PPFIBP2: variants seen among roughly 807,000 people sequenced by gnomAD.
PPFIBP2 encodes the protein PPFIB scaffold protein 2.
In PPFIBP2, 118 loss-of-function variants were observed where a neutral mutation model predicts 118.3. That is an observed-to-expected ratio of 1.00 (90% CI 0.86 to 1.16). PPFIBP2 has a LOEUF of 1.16. Ranked by LOEUF, PPFIBP2 falls within the 50% of genes most tolerant of loss-of-function variation. The probability of loss-of-function intolerance (pLI) is 0.00; values close to 1 mark genes in which losing one functional copy is unlikely to be tolerated. For synonymous variants in PPFIBP2, 414 were observed against 397.4 expected, an observed-to-expected ratio of 1.04 and a Z score of -0.50; for missense variants, 1,195 against 1,073.1, an observed-to-expected ratio of 1.11 and a Z score of -1.59.
At chr11:7,518,664 T>C (rs1849453935) in intron 1 of PPFIBP2, among the ~76,000 whole-genome samples, 1 of 152,146 alleles carries the variant, frequency 6.6e-6, no homozygotes, top group Admixed American at 6.5e-5. Context: ...TTCATAAGAC[T>C]GGGTAAGGTA....
chr11:7,610,698 G>C (rs1272972492), intron 6 of PPFIBP2, among the ~76,000 whole-genome samples: 3 of 152,204 alleles, frequency 2.0e-5, no homozygotes, highest in Non-Finnish European at 4.4e-5. Flanking sequence ...GGAAGAATAA[G>C]ACAAAATGTG....
intron 2 of PPFIBP2, among the ~76,000 whole-genome samples, chr11:7,550,533 T>C (rs6578872): frequency 0.39 from 59,752 of 152,100 alleles, 12,557 homozygotes; most frequent in African/African-American, 0.54. Context: ...TAATGTGATG[T>C]ATTCTAGCTA....
downstream of PPFIBP2, chr11:7,653,804 G>T: frequency 8.4e-7 from 1 of 1,194,920 alleles, no homozygotes; most frequent in Non-Finnish European, 1.1e-6. Flanking sequence ...AAAGAGCTGA[G>T]GGTAGCTGGA....
In PPFIBP2 at chr11:7,642,338, C is replaced by G. The variant is rs781020356; in HGVS notation, c.1558C>G (p.Leu520Val). ...TQSGNFYTDT[L>V]GMAEFRRGGL... ...GTCAGGAAATTTCTACACTGACACG[C>G]TGGGGATGGCAGAGTTTCGACGAGG... The change falls in exon 17 of 24, where the codon CTG (leucine) becomes GTG (valine). Residue 520 changes from leucine (L) to valine (V), a missense_variant. Transcript: ENST00000299492. 7 of 1,614,150 alleles carry G rather than the reference C, an allele frequency of 4.3e-6. No individual in the cohort carries two copies. In the South Asian group the frequency reaches 6.6e-5, roughly 15 times the overall value.
intron 1 of PPFIBP2, among the ~76,000 whole-genome samples, chr11:7,538,917 G>A (rs1258363364): frequency 6.6e-6 from 1 of 152,178 alleles, no homozygotes; most frequent in Non-Finnish European, 1.5e-5. Flanking sequence ...GCCTGATCTA[G>A]GATGTTTAGG....
At chr11:7,626,216 C>G (rs1849984897) in intron 8 of PPFIBP2, among the ~76,000 whole-genome samples, 1 of 152,194 alleles carries the variant, frequency 6.6e-6, no homozygotes, top group Non-Finnish European at 1.5e-5. Context: ...CTAACTCTTT[C>G]ATTTGACTGA....
intron 2 of PPFIBP2, among the ~76,000 whole-genome samples, chr11:7,564,231 A>G (rs1407163488): frequency 2.6e-5 from 4 of 152,108 alleles, no homozygotes; most frequent in African/African-American, 9.7e-5. Context: ...GAGCTGACCC[A>G]ATATACCAGA....
chr11:7,602,850 A>G (rs1354431198), intron 5 of PPFIBP2, among the ~76,000 whole-genome samples: 1 of 152,198 alleles, frequency 6.6e-6, no homozygotes, highest in Non-Finnish European at 1.5e-5. Flanking sequence ...ATGGGTTTCT[A>G]TAGATTTGCT....
downstream of PPFIBP2, chr11:7,656,915 T>C: frequency 1.4e-6 from 1 of 714,544 alleles, no homozygotes. Context: ...GCAGGGTGTC[T>C]CAGACAGGCT....
At chr11:7,536,073 C>T (rs1851181924) in intron 1 of PPFIBP2, among the ~76,000 whole-genome samples, 1 of 152,220 alleles carries the variant, frequency 6.6e-6, no homozygotes, top group South Asian at 2.1e-4. Flanking sequence ...CCTTCACAAC[C>T]ACCCTTTCAG....
intron 17 of PPFIBP2, among the ~76,000 whole-genome samples, chr11:7,644,314 A>AT (rs1469003113): frequency 6.6e-6 from 1 of 152,038 alleles, no homozygotes; most frequent in African/African-American, 2.4e-5. Context: ...TTTGTTTTAA[A>AT]TTTTTTTCTG....
intron 1 of PPFIBP2, chr11:7,539,314 C>G (rs945428121): frequency 1.3e-5 from 2 of 152,376 alleles, no homozygotes; most frequent in African/African-American, 2.4e-5. Context: ...GGCCTTGTCC[C>G]TCATTGTGAT....
At chr11:7,655,992 CAT>C (rs1172922382), downstream of PPFIBP2, among the ~76,000 whole-genome samples, 2 of 152,144 alleles carry the variant, frequency 1.3e-5, no homozygotes, top group Non-Finnish European at 2.9e-5. Flanking sequence ...CAAACCATAT[CAT>C]GGGGAAGCAG....
rs574819846 is a variant in PPFIBP2 at position 7,558,022 on chromosome 11, G to T, written c.65-7531G>T. ...AGGTTAGACTTTAAAAGTTTATCTT[G>T]TCTATATGTCTTAATTGTACAAAAT... is the stretch of plus-strand genomic sequence containing the variant. On this transcript the variant is annotated intron_variant, in intron 2 of 23. Transcript: ENST00000299492. Among the ~76,000 whole-genome samples, 3 of 152,296 alleles carry T rather than the reference G, an allele frequency of 2.0e-5. No homozygotes were observed. In the South Asian group the frequency reaches 6.2e-4, roughly 32 times the overall value.
At chr11:7,547,408 G>A (rs1452330263) in intron 1 of PPFIBP2, among the ~76,000 whole-genome samples, 3 of 152,174 alleles carry the variant, frequency 2.0e-5, no homozygotes, top group Non-Finnish European at 4.4e-5. Context: ...CTGCTTCATA[G>A]GCCACAGTAA....
At chr11:7,625,349 C>T (rs773611043) in intron 7 of PPFIBP2, among the ~76,000 whole-genome samples, 3 of 152,192 alleles carry the variant, frequency 2.0e-5, no homozygotes, top group Non-Finnish European at 2.9e-5. Flanking sequence ...ATGAAAACTG[C>T]ATGCACTTGT....
intron 1 of PPFIBP2, among the ~76,000 whole-genome samples, chr11:7,523,379 A>G (rs1849936615): frequency 6.6e-6 from 1 of 152,236 alleles, no homozygotes; most frequent in African/African-American, 2.4e-5. Flanking sequence ...GAGTTGTGGT[A>G]GTTGCCAAAT....
At chr11:7,547,857 C>G (rs1318062467) in intron 1 of PPFIBP2, among the ~76,000 whole-genome samples, 2 of 152,160 alleles carry the variant, frequency 1.3e-5, no homozygotes, top group East Asian at 1.9e-4. Context: ...GCCCTCTCCC[C>G]CTCCACAAGC....
downstream of PPFIBP2, chr11:7,653,855 A>C: frequency 8.9e-7 from 1 of 1,128,034 alleles, no homozygotes; most frequent in Non-Finnish European, 1.1e-6. Context: ...AGCCGGTGGC[A>C]CTGAGCCTAG....
Sources: allele counts gnomAD v4.1 joint callset (sites outside exome capture counted in the v4.1 genomes callset), GRCh38; gene constraint gnomAD v4.1.1; transcripts MANE v1.5; gene names NCBI Gene and HGNC (gene_info 2026-07-23, HGNC 2026-07-21).